Variants in CPAP observed in about 807,000 individuals in gnomAD.
CPAP encodes the protein centrosome assembly and centriole elongation protein.
chr13:24,888,893 T>C, the CPAP span, among the ~76,000 whole-genome samples: 2 of 152,228 alleles, frequency 1.3e-5, no homozygotes, highest in South Asian at 2.1e-4. Context: ...ACAGGGTGAG[T>C]GTCCCTTATC....
chr13:24,903,379 C>A, the CPAP span, among the ~76,000 whole-genome samples: 1 of 152,160 alleles, frequency 6.6e-6, no homozygotes. Context: ...GACAAACACA[C>A]ACAGAGGAGA....
the CPAP span, chr13:24,906,573 T>C: frequency 6.2e-7 from 1 of 1,614,234 alleles, no homozygotes; most frequent in Non-Finnish European, 8.5e-7. Flanking sequence ...TCAAATTTGA[T>C]CTGGTCTCTA....
At chr13:24,900,560 A>C in the CPAP span, among the ~76,000 whole-genome samples, 1 of 152,162 alleles carries the variant, frequency 6.6e-6, no homozygotes, top group African/African-American at 2.4e-5. Flanking sequence ...AGGCAAGAGA[A>C]TCACCTGGGA....
chr13:24,884,259 C>CT, the CPAP span: 1 of 1,614,124 alleles, frequency 6.2e-7, no homozygotes, highest in Admixed American at 1.7e-5. Context: ...TAAAGACACA[C>CT]AGTCAGTCTG....
the CPAP span, chr13:24,910,076 T>G: frequency 4.1e-5 from 66 of 1,612,422 alleles, no homozygotes; most frequent in Middle Eastern, 2.0e-4. Context: ...CATCAGGCAG[T>G]AAACTCAAAC....
the CPAP span, chr13:24,883,259 C>CCGTT: frequency 2.5e-6 from 4 of 1,614,046 alleles, no homozygotes; most frequent in South Asian, 4.4e-5. Flanking sequence ...TTCTTGATGA[C>CCGTT]CGTTTGCATA....
At chr13:24,906,056 A>C in the CPAP span, 1 of 1,613,906 alleles carries the variant, frequency 6.2e-7, no homozygotes, top group East Asian at 2.2e-5. Flanking sequence ...AGCTGAGGAC[A>C]ATGAATGAAG....
the CPAP span, chr13:24,906,050 G>T: frequency 6.2e-7 from 1 of 1,614,014 alleles, no homozygotes; most frequent in South Asian, 1.1e-5. Context: ...TTCATCAGCT[G>T]AGGACAATGA....
At chr13:24,884,359 A>G in the CPAP span, 2 of 1,614,188 alleles carry the variant, frequency 1.2e-6, no homozygotes, top group Non-Finnish European at 8.5e-7. Context: ...TCACGTCACC[A>G]TTAAAGAAAG....
At chr13:24,893,263 C>G in the CPAP span, among the ~76,000 whole-genome samples, 143 of 152,292 alleles carry the variant, frequency 9.4e-4, no homozygotes, top group Middle Eastern at 3.4e-3. Flanking sequence ...ATAAAAGATT[C>G]CAAAGTCAAA....
chr13:24,902,492 G>C, the CPAP span, among the ~76,000 whole-genome samples: 3 of 152,174 alleles, frequency 2.0e-5, no homozygotes, highest in African/African-American at 7.2e-5. Context: ...TTCAGAATTT[G>C]ATTTTTAAGC....
the CPAP span, chr13:24,906,359 T>A: frequency 6.2e-7 from 1 of 1,612,526 alleles, no homozygotes; most frequent in South Asian, 1.1e-5. Flanking sequence ...AGTCTCTAAC[T>A]TTTTCTGAAG....
At chr13:24,895,419 C>CAA in the CPAP span, among the ~76,000 whole-genome samples, 24 of 151,256 alleles carry the variant, frequency 1.6e-4, no homozygotes, top group Middle Eastern at 3.4e-3. Context: ...ACTAAAAATA[C>CAA]AAAAAAAAAT....
the CPAP span, among the ~76,000 whole-genome samples, chr13:24,896,389 T>C: frequency 0.49 from 74,697 of 152,188 alleles, 19,132 homozygotes; most frequent in East Asian, 0.72. Context: ...CAGTCCTGCA[T>C]GGTGCAGTGT....
the CPAP span, among the ~76,000 whole-genome samples, chr13:24,913,252 A>C: frequency 5.3e-5 from 8 of 152,234 alleles, no homozygotes; most frequent in Non-Finnish European, 1.5e-5. Flanking sequence ...CATTTTTCTA[A>C]GTCTTAAAAA....
chr13:24,917,240 C>A, the CPAP span, among the ~76,000 whole-genome samples: 1 of 152,156 alleles, frequency 6.6e-6, no homozygotes. Flanking sequence ...GGGGACAGAG[C>A]CACTCTGTCT....
chr13:24,899,514 C>T, the CPAP span: 2 of 1,613,442 alleles, frequency 1.2e-6, no homozygotes, highest in South Asian at 1.1e-5. Flanking sequence ...TTCCTCATCT[C>T]CTCCTTTTTA....
the CPAP span, chr13:24,912,007 CTG>C: frequency 4.8e-5 from 78 of 1,614,038 alleles, no homozygotes; most frequent in Non-Finnish European, 5.9e-5. Context: ...CCATGAGTCT[CTG>C]TAGTTGCTCC....
chr13:24,905,754 C>CT, the CPAP span: 1 of 1,614,170 alleles, frequency 6.2e-7, no homozygotes, highest in Admixed American at 1.7e-5. Flanking sequence ...CTACTGTAAT[C>CT]TTTATCAGAC....
Sources: allele counts gnomAD v4.1 joint callset (sites outside exome capture counted in the v4.1 genomes callset), GRCh38; gene constraint gnomAD v4.1.1; transcripts MANE v1.5; gene names NCBI Gene and HGNC (gene_info 2026-07-23, HGNC 2026-07-21).